RPN2: variants seen among roughly 807,000 people sequenced by gnomAD.
RPN2 encodes ribophorin II, also known as dolichyl-diphosphooligosaccharide--protein glycosyltransferase subunit 2.
In RPN2, 29 loss-of-function variants were observed where a neutral mutation model predicts 71.4. The ratio of observed to expected loss-of-function variants is 0.41; its 90% CI spans 0.30 to 0.55. RPN2 has a LOEUF of 0.55. RPN2 is among the 20% of genes least tolerant of loss of function. The pLI, the probability that RPN2 is intolerant of heterozygous loss-of-function variation, is 0.35. For missense variants in RPN2, 726 were observed against 774.1 expected, an observed-to-expected ratio of 0.94 and a Z score of 0.74; for synonymous variants, 308 against 305.0, an observed-to-expected ratio of 1.01 and a Z score of -0.10.
chr20:37,198,851 C>T (rs2067315276), intron 3 of RPN2, among the ~76,000 whole-genome samples, 199 bp from the exon 4 acceptor site: 1 of 152,122 alleles, frequency 6.6e-6, no homozygotes, highest in South Asian at 2.1e-4. Context: ...AGAAAGGTAA[C>T]TTGTCAGCAT....
At chr20:37,209,960 T>C in intron 7 of RPN2, 87 bp from the exon 8 acceptor site, 6 of 1,584,246 alleles carry the variant, frequency 3.8e-6, no homozygotes, top group Non-Finnish European at 5.1e-6. Context: ...CTGCAGAGCT[T>C]GCAACCTATA....
At chr20:37,195,990 A>C (rs2067248372) in intron 2 of RPN2, among the ~76,000 whole-genome samples, 1 of 152,194 alleles carries the variant, frequency 6.6e-6, no homozygotes, top group African/African-American at 2.4e-5. Context: ...GACAATACAA[A>C]ATAGCTGTTA....
chr20:37,188,009 G>C (rs893612538), intron 2 of RPN2, among the ~76,000 whole-genome samples: 4 of 151,712 alleles, frequency 2.6e-5, no homozygotes, highest in Admixed American at 6.6e-5. Context: ...TTTTTTTTTA[G>C]TGTTTGTCTA....
At chr20:37,229,326 G>C (rs753075814) in intron 12 of RPN2, among the ~76,000 whole-genome samples, 1 of 152,200 alleles carries the variant, frequency 6.6e-6, no homozygotes, top group African/African-American at 2.4e-5. Context: ...AGAATGGCAA[G>C]GGTTTATCAG....
At chr20:37,192,038 G>C (rs1236395603) in intron 2 of RPN2, among the ~76,000 whole-genome samples, 1 of 151,822 alleles carries the variant, frequency 6.6e-6, no homozygotes, top group African/African-American at 2.4e-5. Context: ...GGAGTTTAAG[G>C]CTGCAGTTAG....
intron 14 of RPN2, among the ~76,000 whole-genome samples, chr20:37,232,842 A>G (rs2146698863): frequency 6.6e-6 from 1 of 152,346 alleles, no homozygotes; most frequent in South Asian, 2.1e-4. Flanking sequence ...ATATGCTGAT[A>G]GGACAAGATT....
At chr20:37,211,315 G>A (rs1012663680) in intron 8 of RPN2, among the ~76,000 whole-genome samples, 60 of 150,658 alleles carry the variant, frequency 4.0e-4, no homozygotes, top group Admixed American at 1.4e-3. Flanking sequence ...GATTACAGGC[G>A]TGAGCCATTG....
chr20:37,198,408 C>T lies in RPN2; in HGVS notation c.219C>T (p.Thr73=). The change falls in exon 3 of 17, where the codon ACC becomes ACT. Residue 73 remains threonine, a synonymous_variant. Coordinates refer to ENST00000237530, the MANE Select transcript of RPN2 (RefSeq NM_002951.5). ...TCCCCACTGTGTAGAAAGCATGTAC[C>T]TACATCAGATCTAACCTTGATCCCA... is the stretch of plus-strand genomic sequence containing the variant. ...AQVPDAKKAC[T]YIRSNLDPSN... is the part of the protein sequence containing the mutation. 1 of 1,614,192 alleles carries T rather than the reference C, an allele frequency of 6.2e-7. No individual in the cohort carries two copies. Among genetic ancestry groups the T allele is most frequent in the Non-Finnish European group, 8.5e-7 (1 of 1,180,034 alleles).
Position 37,203,951 on chromosome 20 carries a change from G to C in RPN2, c.546G>C (p.Glu182Asp). Residue 182 changes from glutamate (E) to aspartate (D), a missense_variant, in exon 5 of 17, where the codon GAG becomes GAC. Coordinates refer to ENST00000237530, the MANE Select transcript of RPN2 (RefSeq NM_002951.5). ...SQQADLRSIVEEIEDLVARLD... is the reference protein window; with the variant it reads ...SQQADLRSIVDEIEDLVARLD... Reference sequence around the variant, plus strand: ...AGGCTGACCTGAGGAGCATCGTGGAGGAGATTGAGGTGTGAATCTTTTGCC... The same window carrying C: ...AGGCTGACCTGAGGAGCATCGTGGACGAGATTGAGGTGTGAATCTTTTGCC... The C allele has an allele frequency of 6.2e-7, 1 of 1,613,132 alleles. No homozygotes were observed. Among genetic ancestry groups the C allele is most frequent in the Non-Finnish European group, 8.5e-7 (1 of 1,179,088 alleles).
chr20:37,185,694 T>G (rs1225599469), intron 2 of RPN2, among the ~76,000 whole-genome samples: 2 of 152,024 alleles, frequency 1.3e-5, no homozygotes. Flanking sequence ...CAGGCATGAT[T>G]ATAGCACACT....
chr20:37,204,956 T>C, intron 6 of RPN2, 55 bp downstream of exon 6: 1 of 1,612,694 alleles, frequency 6.2e-7, no homozygotes, highest in Non-Finnish European at 8.5e-7. Flanking sequence ...CAGCTGTATC[T>C]GCTAAGGATG....
intron 10 of RPN2, among the ~76,000 whole-genome samples, chr20:37,224,193 CTATT>C (rs1247379447): frequency 6.6e-6 from 1 of 151,118 alleles, no homozygotes; most frequent in East Asian, 1.9e-4. Flanking sequence ...CATGCACAAA[CTATT>C]TATTAACCAG....
chr20:37,231,073 A>G (rs771503551), intron 13 of RPN2, among the ~76,000 whole-genome samples: 4 of 152,036 alleles, frequency 2.6e-5, no homozygotes, highest in Non-Finnish European at 4.4e-5. Context: ...AAAAAGTTCT[A>G]TTTGCATAAT....
intron 5 of RPN2, 55 bp from the exon 6 acceptor site, chr20:37,204,705 GTTCGTGC>G: frequency 6.3e-7 from 1 of 1,589,944 alleles, no homozygotes; most frequent in South Asian, 1.1e-5. Flanking sequence ...GTTGACAGTG[GTTCGTGC>G]ATCTCATTTC....
chr20:37,237,637 GCA>G (rs1229651896), intron 16 of RPN2, among the ~76,000 whole-genome samples: 1 of 152,142 alleles, frequency 6.6e-6, no homozygotes, highest in Non-Finnish European at 1.5e-5. Context: ...TGGAGACTCG[GCA>G]CAGACGTGTT....
At chr20:37,194,142 T>C (rs1239761798) in intron 2 of RPN2, among the ~76,000 whole-genome samples, 1 of 152,106 alleles carries the variant, frequency 6.6e-6, no homozygotes, top group Admixed American at 6.5e-5. Context: ...ACTGGCCTGC[T>C]GGGGGCAGAA....
At chr20:37,179,556 A>C in intron 1 of RPN2, 187 bp downstream of exon 1, 1 of 1,372,610 alleles carries the variant, frequency 7.3e-7, no homozygotes, top group Non-Finnish European at 9.5e-7. Context: ...AGTGCCCGCG[A>C]CCTGGCGGGG....
intron 9 of RPN2, among the ~76,000 whole-genome samples, chr20:37,216,630 T>G (rs1016412973): frequency 4.6e-5 from 7 of 151,704 alleles, no homozygotes; most frequent in Admixed American, 2.0e-4. Flanking sequence ...CCTGGCTAAT[T>G]TTTGCATTTT....
chr20:37,215,032 T>C (rs546761131), intron 9 of RPN2, among the ~76,000 whole-genome samples: 5 of 152,336 alleles, frequency 3.3e-5, no homozygotes, highest in Admixed American at 6.5e-5. Context: ...ATAACTATCA[T>C]AATTCTTTAT....
Sources: allele counts gnomAD v4.1 joint callset (sites outside exome capture counted in the v4.1 genomes callset), GRCh38; gene constraint gnomAD v4.1.1; transcripts MANE v1.5; gene names NCBI Gene and HGNC (gene_info 2026-07-23, HGNC 2026-07-21).